Variants in FAT3 observed in about 807,000 individuals in gnomAD.
The protein encoded by FAT3 is FAT atypical cadherin 3.
Under a neutral mutation model 310.2 loss-of-function variants are expected in FAT3, and 95 were observed. The observed-to-expected ratio is 0.31, with a 90% CI of 0.26 to 0.36. FAT3 has a LOEUF of 0.36. Among genes scored for constraint, FAT3 ranks in the 10% least tolerant of loss-of-function variants. FAT3 has a pLI of 1.00. For missense variants in FAT3, 5,408 were observed against 5,715.6 expected, an observed-to-expected ratio of 0.95 and a Z score of 1.74; for synonymous variants, 2,314 against 2,192.9, an observed-to-expected ratio of 1.06 and a Z score of -1.54.
At chr11:92,561,280 T>TGA (rs1166975920) in intron 3 of FAT3, among the ~76,000 whole-genome samples, 3 of 110,070 alleles carry the variant, frequency 2.7e-5, no homozygotes, top group African/African-American at 9.4e-5. Context: ...TGTGTGTGTG[T>TGA]GTGTGTGTGT....
rs553280277 is a variant in FAT3 at position 92,272,952 on chromosome 11, G to A, written c.-18+47778G>A. Among the ~76,000 whole-genome samples, 5 of 152,236 alleles carry A rather than the reference G, an allele frequency of 3.3e-5. No individual in the cohort carries two copies. In the South Asian group the frequency reaches 1.0e-3, roughly 32 times the overall value. ...GTGTCTGTCAACAGGGAAACTGGGA[G>A]AAGCTTACTCCAAGGGGCCTGGAGG... On this transcript the variant is annotated intron_variant, in intron 1 of 27. Coordinates refer to ENST00000525166, the MANE Select transcript of FAT3 (RefSeq NM_001367949.2).
In FAT3 at chr11:92,352,199, C is replaced by A. The variant is rs1270021780; in HGVS notation, c.87C>A (p.Val29=). ...ILLLFKLLAT[V]SQGLPGTGPL... ...TGCTTTTCAAGCTTTTGGCCACTGT[C>A]TCCCAGGGGCTGCCAGGGACTGGAC... The change falls in exon 2 of 28, where the codon GTC becomes GTA. Residue 29 remains valine (V), a synonymous_variant. Transcript: ENST00000525166. The A allele has an allele frequency of 7.3e-7, 1 of 1,376,474 alleles. No homozygotes were observed. Among genetic ancestry groups the A allele is most frequent in the Admixed American group, 1.9e-5 (1 of 52,704 alleles). 85.3% of individuals were successfully genotyped at this position (1,376,474 alleles called of 1,614,324 possible).
At chr11:92,637,266 A>G (rs1406006485) in intron 3 of FAT3, among the ~76,000 whole-genome samples, 1 of 152,152 alleles carries the variant, frequency 6.6e-6, no homozygotes, top group Non-Finnish European at 1.5e-5. Flanking sequence ...GAAGCATGAG[A>G]CTTCTTGCAT....
At chr11:92,312,924 A>G (rs1196273048) in intron 1 of FAT3, among the ~76,000 whole-genome samples, 3 of 152,152 alleles carry the variant, frequency 2.0e-5, no homozygotes, top group South Asian at 4.1e-4. Flanking sequence ...TCTGGGGAAA[A>G]CAAAACAAAA....
chr11:92,377,061 C>T (rs949089383), intron 2 of FAT3, among the ~76,000 whole-genome samples: 1 of 152,056 alleles, frequency 6.6e-6, no homozygotes, highest in Non-Finnish European at 1.5e-5. Context: ...TTAAAGGATA[C>T]TGAGGTATAA....
At chr11:92,738,104 G>A (rs1443477449) in intron 4 of FAT3, among the ~76,000 whole-genome samples, 1 of 152,180 alleles carries the variant, frequency 6.6e-6, no homozygotes, top group South Asian at 2.1e-4. Flanking sequence ...AGAATTAAAG[G>A]TCTTAAGGTT....
At chr11:92,470,173 A>G (rs1212928991) in intron 2 of FAT3, among the ~76,000 whole-genome samples, 1 of 152,146 alleles carries the variant, frequency 6.6e-6, no homozygotes, top group East Asian at 1.9e-4. Context: ...GACCTCTCTT[A>G]CTCTGAAGGA....
At chr11:92,273,458 A>G (rs1228741023) in intron 1 of FAT3, among the ~76,000 whole-genome samples, 1 of 152,146 alleles carries the variant, frequency 6.6e-6, no homozygotes, top group East Asian at 1.9e-4. Context: ...GAAGTGCAAT[A>G]AAAGGAAATT....
intron 3 of FAT3, among the ~76,000 whole-genome samples, chr11:92,660,611 T>C (rs560264273): frequency 2.0e-5 from 3 of 152,292 alleles, no homozygotes; most frequent in African/African-American, 7.2e-5. Context: ...GTCAAGACTT[T>C]TGAGAATGGT....
intron 3 of FAT3, among the ~76,000 whole-genome samples, chr11:92,582,752 GGA>G (rs1293884165): frequency 6.6e-6 from 1 of 152,124 alleles, no homozygotes; most frequent in East Asian, 1.9e-4. Flanking sequence ...TCTGTTTAAA[GGA>G]GTGAATTACA....
intron 12 of FAT3, among the ~76,000 whole-genome samples, chr11:92,808,536 G>T (rs1356960000): frequency 6.6e-6 from 1 of 152,148 alleles, no homozygotes; most frequent in Non-Finnish European, 1.5e-5. Context: ...GAAAATCCCT[G>T]GATGCTTTTT....
In FAT3 at chr11:92,880,916, C is replaced by T. The variant is rs2075731446; in HGVS notation, c.12281+32C>T. On this transcript the variant is annotated intron_variant, in intron 23 of 27. Coordinates refer to ENST00000525166, the MANE Select transcript of FAT3 (RefSeq NM_001367949.2). ...GAGATTACATAAGTGTCTTTCTCTA[C>T]ACTGTTCTTTATTGCTACAACAAAC... 7 of 1,603,246 alleles carry T rather than the reference C, an allele frequency of 4.4e-6. No homozygotes were observed. In the African/African-American group the frequency reaches 8.0e-5, roughly 18 times the overall value.
chr11:92,823,778 T>C (rs1427240169), intron 13 of FAT3, among the ~76,000 whole-genome samples: 1 of 152,160 alleles, frequency 6.6e-6, no homozygotes, highest in Non-Finnish European at 1.5e-5. Flanking sequence ...TGTGCCAGTT[T>C]TAGTCATCAC....
intron 7 of FAT3, among the ~76,000 whole-genome samples, chr11:92,787,955 G>T (rs761541200): frequency 6.6e-6 from 1 of 151,994 alleles, no homozygotes; most frequent in African/African-American, 2.4e-5. Flanking sequence ...ATATGAACTC[G>T]TGCAATATTT....
chr11:92,554,270 G>A (rs985791401), intron 3 of FAT3, among the ~76,000 whole-genome samples: 4 of 151,668 alleles, frequency 2.6e-5, no homozygotes, highest in Non-Finnish European at 5.9e-5. Context: ...ACACCATCCT[G>A]GCTAACACGG....
At chr11:92,479,574 C>G (rs1952159537) in intron 2 of FAT3, among the ~76,000 whole-genome samples, 1 of 152,134 alleles carries the variant, frequency 6.6e-6, no homozygotes, top group East Asian at 1.9e-4. Context: ...CTGTCCTTCC[C>G]ATTCTGCCTC....
At chr11:92,889,168 A>T (rs1949859621) in intron 25 of FAT3, 21 bp from the exon 26 acceptor site, 1 of 708,234 alleles carries the variant, frequency 1.4e-6, no homozygotes, top group Non-Finnish European at 2.6e-6. Flanking sequence ...CCTACCTCCG[A>T]CTTCTTTTCC....
At chr11:92,300,620 T>G (rs1946974130) in intron 1 of FAT3, among the ~76,000 whole-genome samples, 2 of 152,158 alleles carry the variant, frequency 1.3e-5, no homozygotes, top group Admixed American at 6.6e-5. Flanking sequence ...TCTCTCTTGA[T>G]CAGTTTGTCA....
At chr11:92,791,675 T>G (rs947680231) in intron 8 of FAT3, among the ~76,000 whole-genome samples, 4 of 152,238 alleles carry the variant, frequency 2.6e-5, no homozygotes, top group Non-Finnish European at 5.9e-5. Flanking sequence ...CCCCTTTCTC[T>G]TTGATGGCTC....
Sources: gnomAD v4.1 joint callset for allele counts (sites outside exome capture counted in the v4.1 genomes callset) on GRCh38, gnomAD v4.1.1 for gene constraint, MANE v1.5 for transcripts, NCBI Gene and HGNC (gene_info 2026-07-23, HGNC 2026-07-21) for gene names.